Variants in POC1B observed in about 807,000 individuals in gnomAD.
POC1B encodes POC1 centriolar protein B, also known as POC1 centriolar protein homolog B.
POC1B carries 44 observed loss-of-function variants against 60.6 expected under a neutral mutation model. The observed-to-expected ratio is 0.73, with a 90% CI of 0.57 to 0.93. The LOEUF (loss-of-function observed/expected upper bound fraction) is 0.93. Ranked by LOEUF, POC1B falls within the 40% of genes least tolerant of loss-of-function variation. POC1B has a pLI of 0.00. For missense variants in POC1B, 555 were observed against 572.3 expected, an observed-to-expected ratio of 0.97 and a Z score of 0.31; for synonymous variants, 180 against 198.9, an observed-to-expected ratio of 0.90 and a Z score of 0.80.
In POC1B at chr12:89,525,970, A is replaced by G. The variant is rs1321312059; in HGVS notation, c.-75T>C. The stretch of plus-strand genomic sequence containing the variant: ...GGGAGGGGAGAGGATGGGGAAGGAG[A>G]GGGGACCGTGCGGCTCCCGGAACCG... On this transcript the variant is annotated 5_prime_UTR_variant, in exon 1 of 12. Transcript: ENST00000313546. 6.5e-7 allele frequency: 1 copy of G among 1,545,500 alleles called. No individual in the cohort carries two copies. Among genetic ancestry groups the G allele is most frequent in the East Asian group, 2.5e-5 (1 of 40,698 alleles).
chr12:89,425,376 T>C lies in POC1B; in HGVS notation c.1117A>G (p.Thr373Ala), dbSNP rs1880721306. Residue 373 changes from threonine to alanine, a missense_variant, in exon 11 of 12, where the codon ACA becomes GCA. Thr to Ala is a moderately conservative substitution (Grantham distance 58). Coordinates refer to ENST00000313546, the MANE Select transcript of POC1B (RefSeq NM_172240.3). ...GGCAGAGTCCTACCACTGGTTTCTG[T>C]TGTCTTTAATGTCACAGAAAATGTA... ...DILSFDSTTT[T>A]ETSGRTLPDK... 2 of 1,611,882 alleles carry C rather than the reference T, an allele frequency of 1.2e-6. No homozygotes were observed. Among genetic ancestry groups the C allele is most frequent in the African/African-American group, 1.3e-5 (1 of 74,754 alleles).
At chr12:89,476,571 G>A (rs1040147495) in intron 4 of POC1B, among the ~76,000 whole-genome samples, 2 of 152,116 alleles carry the variant, frequency 1.3e-5, no homozygotes, top group African/African-American at 4.8e-5. Flanking sequence ...AGCTGGGCCT[G>A]GTGGTGCATG....
At position 89,420,115 on chromosome 12, in the gene POC1B, TTTGC is replaced by T. The variant is rs1565889210; in HGVS notation, c.*1034_*1037del. Reference sequence around the variant, plus strand: ...AGGTTGATAATCAAGCTGAAATTAATTTGCTTGCTTTTCTTCAATTTAATCTCAA... The same window carrying T: ...AGGTTGATAATCAAGCTGAAATTAATTTGCTTTTCTTCAATTTAATCTCAA... On this transcript the variant is annotated 3_prime_UTR_variant, in exon 12 of 12. Transcript: ENST00000313546. The T allele has an allele frequency of 6.6e-6, 1 of 152,358 alleles. No homozygotes were observed. Among genetic ancestry groups the T allele is most frequent in the Non-Finnish European group, 1.5e-5 (1 of 68,022 alleles). The allele number at this position is 152,358 out of a possible 1,614,324, so 9.4% of individuals were successfully genotyped here.
intron 2 of POC1B, among the ~76,000 whole-genome samples, chr12:89,506,359 C>T (rs1869895451): frequency 6.6e-6 from 1 of 152,176 alleles, no homozygotes; most frequent in African/African-American, 2.4e-5. Context: ...ATGAAAAATA[C>T]TCAAATGTAG....
intron 2 of POC1B, chr12:89,502,011 T>C: frequency 1.0e-6 from 1 of 978,332 alleles, no homozygotes; most frequent in Non-Finnish European, 1.7e-6. Context: ...GTTCTAGATC[T>C]ACAGGAAGCT....
rs147581175 is a variant in POC1B, at chr12:89,468,264, C to A, written c.811-579G>T. Reference sequence around the variant, plus strand: ...TTGGTTGGAGGCCAGTTAGGAAGTTCCTGTAATTATCTAGGTGAGAGGTAA... The same window carrying A: ...TTGGTTGGAGGCCAGTTAGGAAGTTACTGTAATTATCTAGGTGAGAGGTAA... On this transcript the variant is annotated intron_variant, in intron 7 of 11. Coordinates refer to ENST00000313546, the MANE Select transcript of POC1B (RefSeq NM_172240.3). 9.4e-3 allele frequency among the ~76,000 whole-genome samples: 1,429 copies of A among 152,202 alleles called. 29 individuals are homozygous for A. The highest frequency in any genetic ancestry group is 0.033 in the African/African-American group (1,355 of 41,518).
In POC1B at chr12:89,524,829, G is replaced by A. The variant is rs145229230; in HGVS notation, c.100+291C>T. On this transcript the variant is annotated intron_variant, in intron 2 of 11. Coordinates refer to ENST00000313546, the MANE Select transcript of POC1B (RefSeq NM_172240.3). ...AACACCCCACCCTCCCCGGGCCGAG[G>A]AGAAACCCCTCCCCTTCCCACTCAC... is the stretch of plus-strand genomic sequence containing the variant. The A allele has an allele frequency of 5.3e-4, 329 of 616,808 alleles. 5 individuals carry two copies. In the East Asian group the frequency reaches 9.0e-3, roughly 17 times the overall value. 38.2% of individuals were successfully genotyped at this position (616,808 alleles called of 1,614,324 possible).
chr12:89,407,855 G>C, the POC1B span, among the ~76,000 whole-genome samples: 1 of 152,140 alleles, frequency 6.6e-6, no homozygotes, highest in Admixed American at 6.5e-5. Flanking sequence ...TGTGCAGAAC[G>C]TGCAGGTTTG....
intron 2 of POC1B, chr12:89,500,088 G>A (rs1008192658): frequency 8.6e-6 from 12 of 1,390,632 alleles, no homozygotes; most frequent in South Asian, 6.1e-5. Flanking sequence ...CAGCGGGGCC[G>A]GAACATGGCT....
intron 9 of POC1B, chr12:89,461,919 CAG>C (rs1435767396): frequency 6.6e-6 from 1 of 152,088 alleles, no homozygotes; most frequent in Non-Finnish European, 1.5e-5. Flanking sequence ...ACTCCCTGTC[CAG>C]AGACTGCTTG....
intron 1 of POC1B, chr12:89,525,595 C>T (rs1871400343): frequency 1.6e-6 from 2 of 1,282,948 alleles, no homozygotes; most frequent in Admixed American, 7.5e-5. Flanking sequence ...GACGCAGGCG[C>T]TCCACGGAAA....
intron 6 of POC1B, among the ~76,000 whole-genome samples, 163 bp from the exon 7 acceptor site, chr12:89,470,657 T>C (rs1045865251): frequency 2.0e-5 from 3 of 152,224 alleles, no homozygotes; most frequent in Non-Finnish European, 2.9e-5. Context: ...CACATAGCTC[T>C]AAGCTTCCAG....
At chr12:89,436,713 CA>C (rs113893909) in intron 10 of POC1B, among the ~76,000 whole-genome samples, 20 of 123,070 alleles carry the variant, frequency 1.6e-4, no homozygotes, top group East Asian at 7.1e-4. Flanking sequence ...GACTCAATCT[CA>C]AAAAAAAAAC....
chr12:89,430,804 CACAG>C (rs1237256600), intron 10 of POC1B, among the ~76,000 whole-genome samples: 1 of 152,156 alleles, frequency 6.6e-6, no homozygotes, highest in Non-Finnish European at 1.5e-5. Flanking sequence ...GCACATGAGA[CACAG>C]ACAAAGCTCC....
the POC1B span, among the ~76,000 whole-genome samples, chr12:89,412,601 C>T: frequency 2.7e-3 from 403 of 151,262 alleles, 2 homozygotes; most frequent in African/African-American, 9.0e-3. Flanking sequence ...CGCTTGAACC[C>T]GGGAGGTGGA....
intron 2 of POC1B, chr12:89,502,005 T>C: frequency 1.0e-6 from 1 of 970,852 alleles, no homozygotes; most frequent in Non-Finnish European, 1.7e-6. Flanking sequence ...TGGATTGTTC[T>C]AGATCTACAG....
intron 3 of POC1B, among the ~76,000 whole-genome samples, chr12:89,494,051 AT>A (rs996638523): frequency 6.6e-6 from 1 of 151,626 alleles, no homozygotes; most frequent in African/African-American, 2.4e-5. Flanking sequence ...TTATTTATTT[AT>A]TTTTTTGAGA....
rs960611105 is a variant in POC1B, at chr12:89,420,270, AAGTACTTACTATTT to A, written c.*869_*882del. 1.6e-4 allele frequency: 25 copies of A among 152,224 alleles called. No individual in the cohort carries two copies. The highest frequency in any genetic ancestry group is 5.5e-4 in the African/African-American group (23 of 41,460). 9.4% of individuals were successfully genotyped at this position (152,224 alleles called of 1,614,324 possible). Reference sequence around the variant, plus strand: ...AAGATGATGATGCAAAAATTTTAAAAAGTACTTACTATTTAGCTGCCCAAATCACCCTAAGCAAC... The same window carrying A: ...AAGATGATGATGCAAAAATTTTAAAAAGCTGCCCAAATCACCCTAAGCAAC... On this transcript the variant is annotated 3_prime_UTR_variant, in exon 12 of 12. Transcript: ENST00000313546.
At chr12:89,407,120 G>T in the POC1B span, among the ~76,000 whole-genome samples, 6 of 119,492 alleles carry the variant, frequency 5.0e-5, no homozygotes, top group Non-Finnish European at 8.0e-5. Flanking sequence ...CTGAACTCCA[G>T]CCTGGGTGAC....
Sources: gnomAD v4.1 joint callset for allele counts (sites outside exome capture counted in the v4.1 genomes callset) on GRCh38, gnomAD v4.1.1 for gene constraint, MANE v1.5 for transcripts, NCBI Gene and HGNC (gene_info 2026-07-23, HGNC 2026-07-21) for gene names.